GTPBP10: variants seen among roughly 807,000 people sequenced by gnomAD.
The protein encoded by GTPBP10 is GTP-binding protein 10.
Under a neutral mutation model 44.8 loss-of-function variants are expected in GTPBP10, and 38 were observed. That is an observed-to-expected ratio of 0.85 (90% CI 0.65 to 1.11). The LOEUF (loss-of-function observed/expected upper bound fraction) is 1.11. Among genes scored for constraint, GTPBP10 ranks in the 50% most tolerant of loss-of-function variants. The pLI is 0.00. For missense variants in GTPBP10, 462 were observed against 453.7 expected, an observed-to-expected ratio of 1.02 and a Z score of -0.17; for synonymous variants, 152 against 150.6, an observed-to-expected ratio of 1.01 and a Z score of -0.07.
intron 1 of GTPBP10, among the ~76,000 whole-genome samples, chr7:90,349,632 C>G (rs2115587586): frequency 6.6e-6 from 1 of 152,340 alleles, no homozygotes; most frequent in African/African-American, 2.4e-5. Context: ...TAGATAAGGA[C>G]AGTCCTGATT....
intron 9 of GTPBP10, 131 bp from the exon 10 acceptor site, chr7:90,384,761 T>C (rs1394751991): frequency 2.9e-5 from 22 of 762,146 alleles, no homozygotes; most frequent in Middle Eastern, 3.6e-4. Context: ...TGAGAACTTA[T>C]TAGAAAAGGT....
chr7:90,361,360 C>A (rs1385206090), intron 4 of GTPBP10, among the ~76,000 whole-genome samples: 1 of 152,134 alleles, frequency 6.6e-6, no homozygotes, highest in African/African-American at 2.4e-5. Flanking sequence ...TGAATTTTGT[C>A]AAAGGCCTTT....
In GTPBP10 at chr7:90,378,148, A is replaced by G; in HGVS notation, c.714A>G (p.Gly238=). 6.2e-7 allele frequency: 1 copy of G among 1,612,420 alleles called. No individual in the cohort carries two copies. The highest frequency in any genetic ancestry group is 8.5e-7 in the Non-Finnish European group (1 of 1,179,122). ...CTTTTTTTTAGGTTGATATTTCTGG[A>G]TTTCAGCTTTCTTCTCACACTCAAT... ...RQLLFVVDIS[G]FQLSSHTQYR... The change falls in exon 8 of 10, where the codon GGA becomes GGG. Residue 238 remains glycine (G), a synonymous_variant. Transcript: ENST00000222511.
intron 4 of GTPBP10, among the ~76,000 whole-genome samples, chr7:90,362,030 T>C (rs1200903015): frequency 6.6e-6 from 1 of 152,190 alleles, no homozygotes; most frequent in African/African-American, 2.4e-5. Context: ...TTTTCCTCTT[T>C]ATTAGTCTTG....
At position 90,380,615 on chromosome 7, in the gene GTPBP10, TTAAC is replaced by T. The variant is rs143343538; in HGVS notation, c.778-2340_778-2337del. ...TTGTGAAATGATTGAATCAAGCTAA[TTAAC>T]ATGATCCATCATCTTACATACTATT... On this transcript the variant is annotated intron_variant, in intron 8 of 9. Coordinates refer to ENST00000222511, the MANE Select transcript of GTPBP10 (RefSeq NM_033107.4). Among the ~76,000 whole-genome samples, 627 of 152,344 alleles carry T rather than the reference TTAAC, an allele frequency of 4.1e-3. 5 individuals carry two copies. The highest frequency in any genetic ancestry group is 0.017 in the Middle Eastern group (5 of 294).
At chr7:90,372,371 C>G (rs73213235) in intron 5 of GTPBP10, 143 bp downstream of exon 5, 60,454 of 571,798 alleles carry the variant, frequency 0.11, 3,958 homozygotes, top group Non-Finnish European at 0.14. Flanking sequence ...TTGCACAGGC[C>G]AAAGTGCAGT....
chr7:90,377,882 G>A (rs2115750379), intron 7 of GTPBP10: 1 of 347,318 alleles, frequency 2.9e-6, no homozygotes, highest in Admixed American at 6.5e-5. Context: ...TGATGCTAGA[G>A]TTATATATGA....
At chr7:90,367,549 T>A (rs1193027283) in intron 4 of GTPBP10, among the ~76,000 whole-genome samples, 1 of 152,216 alleles carries the variant, frequency 6.6e-6, no homozygotes, top group Non-Finnish European at 1.5e-5. Flanking sequence ...CTTCTTTGTC[T>A]CTTTTGATCT....
chr7:90,355,681 C>T (rs568110680), intron 4 of GTPBP10, among the ~76,000 whole-genome samples: 1 of 149,684 alleles, frequency 6.7e-6, no homozygotes. Context: ...AAGACCAGTA[C>T]AGACAATCTC....
At chr7:90,354,396 A>G (rs781339464) in intron 2 of GTPBP10, 62 bp from the exon 3 acceptor site, 34 of 670,014 alleles carry the variant, frequency 5.1e-5, no homozygotes, top group South Asian at 6.1e-5. Context: ...TTTTGTGTGT[A>G]TGTGTGTGTG....
In GTPBP10 at chr7:90,362,226, G is replaced by A. The variant is rs537140166; in HGVS notation, c.464+6996G>A. ...TCTAGTTCTTTTAACTGTGATGTTAGGGTGTCAATTTTAGATCTTTCCTGC... is the reference window on the plus strand; with the variant it reads ...TCTAGTTCTTTTAACTGTGATGTTAAGGTGTCAATTTTAGATCTTTCCTGC... On this transcript the variant is annotated intron_variant, in intron 4 of 9. Coordinates refer to ENST00000222511, the MANE Select transcript of GTPBP10 (RefSeq NM_033107.4). Among the ~76,000 whole-genome samples the A allele has an allele frequency of 3.9e-5, 6 of 152,128 alleles. No homozygotes were observed. In the South Asian group the frequency reaches 1.0e-3, roughly 26 times the overall value.
Position 90,346,783 on chromosome 7 carries a change from GGGTCCCCTCAGCCT to G in GTPBP10, c.33+18_33+31del. 6.2e-7 allele frequency: 1 copy of G among 1,614,026 alleles called. No individual in the cohort carries two copies. Among genetic ancestry groups the G allele is most frequent in the African/African-American group, 1.3e-5 (1 of 75,030 alleles). On this transcript the variant is annotated intron_variant, in intron 1 of 9. Coordinates refer to ENST00000222511, the MANE Select transcript of GTPBP10 (RefSeq NM_033107.4). ...GCGTGTTGTTCAGAAAGGTCCGTGC[GGGTCCCCTCAGCCT>G]GGTCCCCTTAGCGCTGACAGCTCTG...
chr7:90,357,714 T>C (rs912054759), intron 4 of GTPBP10, among the ~76,000 whole-genome samples: 3 of 152,144 alleles, frequency 2.0e-5, no homozygotes, highest in African/African-American at 7.2e-5. Context: ...TAAATATTTG[T>C]TGGATAAATT....
intron 8 of GTPBP10, among the ~76,000 whole-genome samples, chr7:90,378,693 T>C (rs1201095807): frequency 2.6e-5 from 4 of 152,120 alleles, no homozygotes; most frequent in Non-Finnish European, 5.9e-5. Context: ...CTGTAGCTGA[T>C]ACCTAAATCT....
At chr7:90,366,731 AAC>A (rs1796142125) in intron 4 of GTPBP10, among the ~76,000 whole-genome samples, 1 of 148,348 alleles carries the variant, frequency 6.7e-6, no homozygotes, top group Non-Finnish European at 1.5e-5. Flanking sequence ...AAAAAAAAAA[AAC>A]CAGCTCCTGG....
chr7:90,363,822 CT>C (rs1207529335), intron 4 of GTPBP10, among the ~76,000 whole-genome samples: 2 of 152,054 alleles, frequency 1.3e-5, no homozygotes, highest in Non-Finnish European at 2.9e-5. Flanking sequence ...TTCTTGGAGG[CT>C]TTGTTCATTT....
intron 4 of GTPBP10, among the ~76,000 whole-genome samples, chr7:90,368,961 C>A (rs1028621451): frequency 3.9e-5 from 6 of 152,210 alleles, no homozygotes; most frequent in African/African-American, 1.4e-4. Flanking sequence ...TGTTGGTGAC[C>A]TACGATGAGG....
rs185335888 is a variant in GTPBP10 at position 90,382,655 on chromosome 7, A to G, written c.778-301A>G. 5.2e-4 allele frequency among the ~76,000 whole-genome samples: 79 copies of G among 152,362 alleles called. 1 individual carries two copies. The East Asian group carries it at 0.011, about 20-fold the overall frequency. ...TACTTTTTCCAAGAATACTACAGGT[A>G]TAACATTCAGTGATCATTACTGACT... On this transcript the variant is annotated intron_variant, in intron 8 of 9. Transcript: ENST00000222511.
At chr7:90,371,478 A>T (rs1040480096) in intron 4 of GTPBP10, among the ~76,000 whole-genome samples, 8 of 152,218 alleles carry the variant, frequency 5.3e-5, no homozygotes, top group African/African-American at 1.9e-4. Flanking sequence ...GAAAAAGAGC[A>T]TGTTAAGTGT....
Sources: allele counts gnomAD v4.1 joint callset (sites outside exome capture counted in the v4.1 genomes callset), GRCh38; gene constraint gnomAD v4.1.1; transcripts MANE v1.5; gene names NCBI Gene and HGNC (gene_info 2026-07-23, HGNC 2026-07-21).